Variants in BMPR1B observed in about 807,000 individuals in gnomAD.
BMPR1B encodes bone morphogenetic protein receptor type-1B.
BMPR1B carries 12 observed loss-of-function variants against 59.1 expected under a neutral mutation model. That is an observed-to-expected ratio of 0.20 (90% CI 0.13 to 0.33). BMPR1B has a LOEUF of 0.33. Among genes scored for constraint, BMPR1B ranks in the 10% least tolerant of loss-of-function variants. The pLI, the probability that BMPR1B is intolerant of heterozygous loss-of-function variation, is 1.00. For missense variants in BMPR1B, 550 were observed against 610.9 expected (o/e 0.90, Z 1.05); for synonymous variants, 237 against 207.3 (o/e 1.14, Z -1.23).
intron 4 of BMPR1B, 150 bp from the exon 5 acceptor site, chr4:95,114,570 C>G (rs767587406): frequency 1.3e-6 from 1 of 765,372 alleles, no homozygotes; most frequent in Non-Finnish European, 2.3e-6. Context: ...TTTTTGGATT[C>G]TCTTAACAGA....
At chr4:95,108,431 A>G (rs962833785) in intron 4 of BMPR1B, among the ~76,000 whole-genome samples, 12 of 152,102 alleles carry the variant, frequency 7.9e-5, no homozygotes, top group African/African-American at 2.9e-4. Flanking sequence ...TTTCATGTTC[A>G]TTATCACTTC....
chr4:94,999,755 C>G (rs756861976), intron 3 of BMPR1B, among the ~76,000 whole-genome samples: 3 of 152,056 alleles, frequency 2.0e-5, no homozygotes, highest in Non-Finnish European at 2.9e-5. Context: ...TGAAATTGCT[C>G]CCAGTATTAC....
At chr4:95,103,877 A>G (rs1045153353) in intron 3 of BMPR1B, among the ~76,000 whole-genome samples, 4 of 152,124 alleles carry the variant, frequency 2.6e-5, no homozygotes, top group Non-Finnish European at 5.9e-5. Flanking sequence ...CAGATTAAAT[A>G]TTTCTCATAA....
At chr4:94,774,130 T>G (rs1431564579) in intron 1 of BMPR1B, among the ~76,000 whole-genome samples, 1 of 152,046 alleles carries the variant, frequency 6.6e-6, no homozygotes, top group Non-Finnish European at 1.5e-5. Context: ...CCATACCAAA[T>G]TTTTAATCTC....
At chr4:94,903,559 T>C (rs578141375) in intron 2 of BMPR1B, among the ~76,000 whole-genome samples, 162 of 152,030 alleles carry the variant, frequency 1.1e-3, no homozygotes, top group African/African-American at 3.5e-3. Flanking sequence ...GTTTCTGTGG[T>C]CCAGTATTTT....
At chr4:95,003,453 A>C (rs569069270) in intron 3 of BMPR1B, among the ~76,000 whole-genome samples, 1 of 152,154 alleles carries the variant, frequency 6.6e-6, no homozygotes, top group East Asian at 1.9e-4. Flanking sequence ...AAGCATTGGA[A>C]CATGTTAGGG....
At chr4:95,150,527 T>C (rs78976605) in intron 11 of BMPR1B, among the ~76,000 whole-genome samples, 6,045 of 151,920 alleles carry the variant, frequency 0.04, 181 homozygotes, top group Middle Eastern at 0.1. Flanking sequence ...GATAGCTTTA[T>C]GGAAGTTGAA....
chr4:94,842,542 T>TA (rs1356139275), intron 1 of BMPR1B, among the ~76,000 whole-genome samples: 36 of 152,312 alleles, frequency 2.4e-4, no homozygotes, highest in African/African-American at 8.4e-4. Context: ...ATAATCATAG[T>TA]AAAAACATCT....
At chr4:95,087,982 G>A (rs948145707) in intron 3 of BMPR1B, among the ~76,000 whole-genome samples, 98 of 152,084 alleles carry the variant, frequency 6.4e-4, no homozygotes, top group African/African-American at 2.2e-3. Context: ...TAAATAAGCC[G>A]ATCTTATGAA....
intron 3 of BMPR1B, among the ~76,000 whole-genome samples, chr4:94,998,787 T>C (rs1389482110): frequency 1.3e-5 from 2 of 152,186 alleles, no homozygotes; most frequent in Non-Finnish European, 2.9e-5. Flanking sequence ...CAGGCTTTAC[T>C]ATGAGTCTCT....
At chr4:94,855,944 GAAAAT>G (rs1408593990) in intron 1 of BMPR1B, among the ~76,000 whole-genome samples, 4 of 152,144 alleles carry the variant, frequency 2.6e-5, no homozygotes, top group African/African-American at 7.2e-5. Flanking sequence ...TTTGTCAAAT[GAAAAT>G]AAAATAAAAC....
intron 3 of BMPR1B, among the ~76,000 whole-genome samples, chr4:95,031,354 G>A (rs1724839496): frequency 6.6e-6 from 1 of 152,170 alleles, no homozygotes; most frequent in African/African-American, 2.4e-5. Context: ...ACTGGACCCT[G>A]AGGTACATGT....
chr4:95,144,404 G>A (rs890657287), intron 10 of BMPR1B, among the ~76,000 whole-genome samples: 5 of 151,572 alleles, frequency 3.3e-5, no homozygotes, highest in Admixed American at 1.3e-4. Flanking sequence ...TGAACTCCTG[G>A]ACTCAAGCAA....
intron 3 of BMPR1B, among the ~76,000 whole-genome samples, chr4:95,103,859 C>T (rs534594043): frequency 1.3e-5 from 2 of 152,056 alleles, no homozygotes; most frequent in East Asian, 3.9e-4. Context: ...TCTTCTTACC[C>T]AATTTTACAG....
rs573235902 is a variant in BMPR1B at position 94,780,072 on chromosome 4, A to G, written c.-183+22004A>G. 2.9e-4 allele frequency among the ~76,000 whole-genome samples: 44 copies of G among 152,274 alleles called. No individual in the cohort carries two copies. In the South Asian group the frequency reaches 8.1e-3, roughly 28 times the overall value. On this transcript the variant is annotated intron_variant, in intron 1 of 12. Transcript: ENST00000515059. Reference sequence around the variant, plus strand: ...TCAATTTGATCATGACATGTAATTAATAATCTTTTTAATTGCCTGCTAGAT... The same window carrying G: ...TCAATTTGATCATGACATGTAATTAGTAATCTTTTTAATTGCCTGCTAGAT...
At chr4:94,826,472 C>CT (rs1724387347) in intron 1 of BMPR1B, among the ~76,000 whole-genome samples, 1 of 152,124 alleles carries the variant, frequency 6.6e-6, no homozygotes, top group Non-Finnish European at 1.5e-5. Context: ...CCTGCTCTCA[C>CT]TTGTTTAAGT....
In BMPR1B at chr4:95,038,294, G is replaced by A. The variant is rs138502263; in HGVS notation, c.-18+42160G>A. Among the ~76,000 whole-genome samples, 33 of 152,308 alleles carry A rather than the reference G, an allele frequency of 2.2e-4. No individual in the cohort carries two copies. The East Asian group carries it at 5.4e-3, about 25-fold the overall frequency. On this transcript the variant is annotated intron_variant, in intron 3 of 12. Transcript: ENST00000515059. ...GTAGCAATTGGAAGCCAGATCTTGT[G>A]GAGCATTGCCAGCTATTGAAAGGAT...
intron 3 of BMPR1B, among the ~76,000 whole-genome samples, chr4:95,069,810 G>A (rs1416367155): frequency 6.6e-6 from 1 of 152,126 alleles, no homozygotes; most frequent in Non-Finnish European, 1.5e-5. Flanking sequence ...TTTAGAAACT[G>A]TAATTTTGGC....
intron 2 of BMPR1B, among the ~76,000 whole-genome samples, chr4:94,953,584 C>T (rs1167076417): frequency 1.3e-5 from 2 of 151,540 alleles, no homozygotes; most frequent in Non-Finnish European, 2.9e-5. Flanking sequence ...AATATTGGCC[C>T]CCACTCTCTT....
Sources: allele counts gnomAD v4.1 joint callset (sites outside exome capture counted in the v4.1 genomes callset), GRCh38; gene constraint gnomAD v4.1.1; transcripts MANE v1.5; gene names NCBI Gene and HGNC (gene_info 2026-07-23, HGNC 2026-07-21).